The following KHDRBS3 variants were observed in gnomAD, a reference collection of about 807,000 sequenced individuals.
KHDRBS3 encodes KH RNA binding domain containing, signal transduction associated 3.
KHDRBS3 carries 23 observed loss-of-function variants against 45.6 expected under a neutral mutation model. The observed-to-expected ratio is 0.50, with a 90% CI of 0.36 to 0.72. The LOEUF (loss-of-function observed/expected upper bound fraction) is 0.72. Among genes scored for constraint, KHDRBS3 ranks in the 30% least tolerant of loss-of-function variants. The probability of loss-of-function intolerance (pLI) is 0.00; values close to 1 mark genes in which losing one functional copy is unlikely to be tolerated. For synonymous variants in KHDRBS3, 162 were observed against 156.5 expected, an observed-to-expected ratio of 1.04 and a Z score of -0.26; for missense variants, 352 against 424.8, an observed-to-expected ratio of 0.83 and a Z score of 1.51.
intron 4 of KHDRBS3, among the ~76,000 whole-genome samples, chr8:135,652,627 C>A (rs1193068100): frequency 3.3e-5 from 5 of 152,336 alleles, no homozygotes; most frequent in African/African-American, 1.2e-4. Flanking sequence ...ACAACTCTTA[C>A]CCAGCTCTTG....
chr8:135,555,635 T>G (rs1022732986), intron 4 of KHDRBS3, among the ~76,000 whole-genome samples: 3 of 152,204 alleles, frequency 2.0e-5, no homozygotes, highest in Non-Finnish European at 4.4e-5. Flanking sequence ...TTTCTAGTTA[T>G]TGCAGTACCA....
chr8:135,486,895 A>G (rs1822890722), intron 1 of KHDRBS3, among the ~76,000 whole-genome samples: 1 of 152,238 alleles, frequency 6.6e-6, no homozygotes, highest in Non-Finnish European at 1.5e-5. Context: ...CTGATGAAAG[A>G]TACGTGTTTA....
chr8:135,504,926 C>T (rs1823913393), intron 1 of KHDRBS3, among the ~76,000 whole-genome samples: 1 of 152,128 alleles, frequency 6.6e-6, no homozygotes, highest in Non-Finnish European at 1.5e-5. Flanking sequence ...AATAACCAGG[C>T]ACACCACTAT....
intron 7 of KHDRBS3, among the ~76,000 whole-genome samples, chr8:135,642,941 A>G (rs911961930): frequency 1.3e-5 from 2 of 151,934 alleles, no homozygotes; most frequent in East Asian, 3.9e-4. Flanking sequence ...TACAGACGTC[A>G]CCACACCCAG....
chr8:135,562,061 T>A (rs1233133818), intron 5 of KHDRBS3, among the ~76,000 whole-genome samples: 1 of 152,200 alleles, frequency 6.6e-6, no homozygotes. Context: ...AAAATATTTT[T>A]AAAATAAATT....
chr8:135,463,390 A>G (rs1436540949), intron 1 of KHDRBS3, among the ~76,000 whole-genome samples: 2 of 152,164 alleles, frequency 1.3e-5, no homozygotes, highest in Non-Finnish European at 2.9e-5. Context: ...TTCTGCCCAT[A>G]TCAATGAAAG....
intron 4 of KHDRBS3, among the ~76,000 whole-genome samples, chr8:135,653,078 C>A (rs1403846670): frequency 6.6e-6 from 1 of 152,084 alleles, no homozygotes; most frequent in African/African-American, 2.4e-5. Flanking sequence ...GTGTCTGCTG[C>A]CTAACACAGG....
At chr8:135,487,059 A>T (rs1423738669) in intron 1 of KHDRBS3, among the ~76,000 whole-genome samples, 3 of 151,850 alleles carry the variant, frequency 2.0e-5, no homozygotes, top group Admixed American at 2.0e-4. Context: ...TATTTCTTTA[A>T]TTTTTCTCAG....
At chr8:135,491,249 A>G (rs1039988585) in intron 1 of KHDRBS3, among the ~76,000 whole-genome samples, 2 of 152,164 alleles carry the variant, frequency 1.3e-5, no homozygotes, top group African/African-American at 4.8e-5. Flanking sequence ...AGGAAGATGA[A>G]TAGAAAGATA....
chr8:135,619,764 A>G (rs1312047519), intron 7 of KHDRBS3, among the ~76,000 whole-genome samples: 1 of 152,240 alleles, frequency 6.6e-6, no homozygotes, highest in African/African-American at 2.4e-5. Flanking sequence ...GGATACATAC[A>G]CATACCATAT....
intron 5 of KHDRBS3, among the ~76,000 whole-genome samples, chr8:135,571,763 G>C (rs1048667299): frequency 3.9e-5 from 6 of 152,064 alleles, no homozygotes; most frequent in South Asian, 2.1e-4. Context: ...TCTGGCACTG[G>C]GGAAGCCAGA....
intron 2 of KHDRBS3, among the ~76,000 whole-genome samples, chr8:135,530,826 ACCATTC>A (rs1825436429): frequency 6.6e-6 from 1 of 152,182 alleles, no homozygotes; most frequent in Non-Finnish European, 1.5e-5. Context: ...TCCTTCAGAT[ACCATTC>A]ATTTACTTTC....
At chr8:135,572,725 G>A (rs1006419030) in intron 5 of KHDRBS3, among the ~76,000 whole-genome samples, 3 of 152,212 alleles carry the variant, frequency 2.0e-5, no homozygotes, top group Admixed American at 1.3e-4. Context: ...ACCACATTTC[G>A]GGTGGTCTCT....
At position 135,515,365 on chromosome 8, in the gene KHDRBS3, T is replaced by TAAAAGAA. The variant is rs1824529940; in HGVS notation, c.89-5868_89-5867insGAAAAAA. Among the ~76,000 whole-genome samples the TAAAAGAA allele has an allele frequency of 5.0e-5, 2 of 39,716 alleles. 1 individual carries two copies. Among genetic ancestry groups the TAAAAGAA allele is most frequent in the Admixed American group, 8.5e-4 (2 of 2,342 alleles). 26.1% of individuals were successfully genotyped at this position (39,716 alleles called of 152,430 possible). ...TGGGCGACAGAGCGAGACTCCGTCT[T>TAAAAGAA]AAAAAAAAAAAAAAAAAAAAAAAAA... On this transcript the variant is annotated intron_variant, in intron 1 of 8. Coordinates refer to ENST00000355849, the MANE Select transcript of KHDRBS3 (RefSeq NM_006558.3).
intron 1 of KHDRBS3, chr8:135,458,832 T>C: frequency 2.2e-6 from 1 of 455,530 alleles, no homozygotes; most frequent in South Asian, 1.6e-5. Context: ...CAGAGATTTC[T>C]GGAGGCACGC....
chr8:135,645,024 G>C, intron 7 of KHDRBS3, 35 bp from the exon 8 acceptor site: 1 of 1,606,668 alleles, frequency 6.2e-7, no homozygotes, highest in South Asian at 1.1e-5. Context: ...ACAGCCAGAT[G>C]ATTTTGTCCT....
chr8:135,575,941 G>T (rs1447568271), intron 5 of KHDRBS3, among the ~76,000 whole-genome samples: 10 of 152,134 alleles, frequency 6.6e-5, no homozygotes, highest in Admixed American at 6.5e-4. Flanking sequence ...ACGTTGAGTT[G>T]TCCTGTCTCC....
chr8:135,565,231 T>C (rs1827356827), intron 5 of KHDRBS3, among the ~76,000 whole-genome samples: 1 of 152,144 alleles, frequency 6.6e-6, no homozygotes, highest in African/African-American at 2.4e-5. Flanking sequence ...GAACATGATT[T>C]GATAAGCATG....
chr8:135,475,560 C>T (rs35016631), intron 1 of KHDRBS3, among the ~76,000 whole-genome samples: 55,539 of 151,904 alleles, frequency 0.37, 11,542 homozygotes, highest in South Asian at 0.53. Flanking sequence ...GATCCACCCT[C>T]CTCAGGCTCC....
Sources: gnomAD v4.1 joint callset for allele counts (sites outside exome capture counted in the v4.1 genomes callset) on GRCh38, gnomAD v4.1.1 for gene constraint, MANE v1.5 for transcripts, NCBI Gene and HGNC (gene_info 2026-07-23, HGNC 2026-07-21) for gene names.